Variants in KMT2A observed in about 807,000 individuals in gnomAD.
The protein encoded by KMT2A is lysine methyltransferase 2A, also known as histone-lysine N-methyltransferase 2A.
Under a neutral mutation model 345.3 loss-of-function variants are expected in KMT2A, and 16 were observed. The observed-to-expected ratio is 0.05, with a 90% confidence interval of 0.03 to 0.07. The LOEUF (loss-of-function observed/expected upper bound fraction) is 0.07. Among genes scored for constraint, KMT2A ranks in the 10% least tolerant of loss-of-function variants. The pLI, the probability that KMT2A is intolerant of heterozygous loss-of-function variation, is 1.00. For synonymous variants in KMT2A, 1,599 were observed against 1,778.6 expected (o/e 0.90, Z 2.54); for missense variants, 3,272 against 4,841.6 (o/e 0.68, Z 9.62).
intron 10 of KMT2A, among the ~76,000 whole-genome samples, chr11:118,487,525 T>A (rs191072295): frequency 7.9e-5 from 12 of 152,340 alleles, no homozygotes; most frequent in Admixed American, 7.2e-4. Flanking sequence ...TCCCTAAGTG[T>A]TAATATGTTT....
At position 118,521,442 on chromosome 11, in the gene KMT2A, C is replaced by G; in HGVS notation, c.11643+25C>G. On this transcript the variant is annotated intron_variant, in intron 35 of 35. Coordinates refer to ENST00000534358, the MANE Select transcript of KMT2A (RefSeq NM_001197104.2). The surrounding 1 kb of genome is among the most constrained non-coding windows in gnomAD (Gnocchi z 5.3). ...GGTAAGTCTCCCACTTGCACTCACA[C>G]AGTTCTTTTGTTTTGCTGTAGAAAG... The G allele has an allele frequency of 6.2e-7, 1 of 1,612,636 alleles. No homozygotes were observed. The highest frequency in any genetic ancestry group is 8.5e-7 in the Non-Finnish European group (1 of 1,178,824).
Position 118,501,832 on chromosome 11 carries a change from T to C in KMT2A, c.6480T>C (p.Pro2160=). The change falls in exon 26 of 36, where the codon CCT becomes CCC. Residue 2160 remains proline (P), a synonymous_variant. Transcript: ENST00000534358. ...TPSYSPTQRS[P]GCRPLPSAGS... is the part of the protein sequence containing the mutation. ...GTTATTCTCCAACACAGAGATCCCC[T>C]GGCTGTCGACCGTTGCCTTCTGCAG... The C allele has an allele frequency of 6.2e-7, 1 of 1,613,592 alleles. No homozygotes were observed. Among genetic ancestry groups the C allele is most frequent in the Non-Finnish European group, 8.5e-7 (1 of 1,179,802 alleles).
Position 118,437,459 on chromosome 11 carries a change from G to A in KMT2A, c.432+515G>A, listed in dbSNP as rs188131432. Among the ~76,000 whole-genome samples the A allele has an allele frequency of 2.2e-3, 327 of 151,666 alleles. 2 individuals are homozygous for A. The highest frequency in any genetic ancestry group is 7.3e-3 in the African/African-American group (301 of 41,250). The stretch of plus-strand genomic sequence containing the variant: ...GTGTCCCTTCCAGCACCTTGCTTTC[G>A]AAAACCCGATGAACCCTCGCGCCAT... On this transcript the variant is annotated intron_variant, in intron 1 of 35. Coordinates refer to ENST00000534358, the MANE Select transcript of KMT2A (RefSeq NM_001197104.2).
intron 1 of KMT2A, among the ~76,000 whole-genome samples, chr11:118,447,041 T>A (rs1949435715): frequency 1.3e-5 from 2 of 152,238 alleles, no homozygotes; most frequent in South Asian, 4.1e-4. Flanking sequence ...TGACCTGTCT[T>A]GGGCTTATTA....
At chr11:118,514,531 CCCAGGTTCAGGTGATTCT>C (rs1419204871) in intron 31 of KMT2A, among the ~76,000 whole-genome samples, 2 of 152,034 alleles carry the variant, frequency 1.3e-5, no homozygotes, top group Admixed American at 1.3e-4. Context: ...ACCTCCATCT[CCCAGGTTCAGGTGATTCT>C]CCTGCTTCAG....
chr11:118,502,919 T>C lies in KMT2A; in HGVS notation c.7027T>C (p.Ser2343Pro). 1 of 1,614,140 alleles carries C rather than the reference T, an allele frequency of 6.2e-7. No individual in the cohort carries two copies. The highest frequency in any genetic ancestry group is 8.5e-7 in the Non-Finnish European group (1 of 1,180,024). The change falls in exon 27 of 36, where the codon TCT (serine) becomes CCT (proline). Residue 2343 changes from serine to proline, a missense_variant. By Grantham distance (74) the Ser-to-Pro change is moderately conservative. Coordinates refer to ENST00000534358, the MANE Select transcript of KMT2A (RefSeq NM_001197104.2). This position sits in a 1 kb window ranked among gnomAD's most constrained non-coding sequence, Gnocchi z 4.9. ...GGCCCCACAGGTTCATAACACAACATCTAGAGAACTGAATGTTAGTAAAAT... is the reference window on the plus strand; with the variant it reads ...GGCCCCACAGGTTCATAACACAACACCTAGAGAACTGAATGTTAGTAAAAT... ...KLAPQVHNTT[S>P]RELNVSKIGS...
In KMT2A at chr11:118,472,795, T is replaced by G; in HGVS notation, c.1636T>G (p.Leu546Val). The change falls in exon 3 of 36, where the codon TTA becomes GTA. Residue 546 changes from leucine to valine, a missense_variant. Physicochemically the swap from Leu to Val is conservative, Grantham distance 32 (BLOSUM62 1). Transcript: ENST00000534358. ...TTTTGGATCTAGAACGACGAAAAAA[T>G]TATCAACTCTACAAAGTGCCCCCCA... Reference protein sequence around the residue: ...RSFGSRTTKKLSTLQSAPQQQ... With the variant: ...RSFGSRTTKKVSTLQSAPQQQ... 1 of 1,613,086 alleles carries G rather than the reference T, an allele frequency of 6.2e-7. No homozygotes were observed. Among genetic ancestry groups the G allele is most frequent in the Non-Finnish European group, 8.5e-7 (1 of 1,179,858 alleles).
chr11:118,437,078 C>G, intron 1 of KMT2A, 134 bp downstream of exon 1: 2 of 1,102,176 alleles, frequency 1.8e-6, no homozygotes, highest in Non-Finnish European at 2.4e-6. Context: ...GAATGGCTCT[C>G]CCATCTTGGG....
At chr11:118,508,599 G>A (rs569638812) in intron 28 of KMT2A, among the ~76,000 whole-genome samples, 2 of 152,014 alleles carry the variant, frequency 1.3e-5, no homozygotes, top group South Asian at 4.2e-4. Context: ...ACCAGGCATG[G>A]TGGTGCACAT....
Position 118,488,373 on chromosome 11 carries a change from T to A in KMT2A, c.4333-241T>A. On this transcript the variant is annotated intron_variant, in intron 10 of 35. Transcript: ENST00000534358. Reference sequence around the variant, plus strand: ...AGGTCACTTAGCATGTTCTGTTAAATCTTGTATTATATTTATTTTGTTACT... The same window carrying A: ...AGGTCACTTAGCATGTTCTGTTAAAACTTGTATTATATTTATTTTGTTACT... The A allele has an allele frequency of 7.7e-6, 4 of 516,238 alleles. No homozygotes were observed. In the South Asian group the frequency reaches 7.8e-5, roughly 10 times the overall value. 32.0% of individuals were successfully genotyped at this position (516,238 alleles called of 1,614,324 possible). A position where few individuals can be genotyped will look rare whatever the true frequency, so the allele number is the denominator to read the frequency against.
At position 118,522,753 on chromosome 11, in the gene KMT2A, A is replaced by C. The variant is rs1349618995; in HGVS notation, c.*581A>C. The C allele has an allele frequency of 1.4e-5, 3 of 212,934 alleles. No homozygotes were observed. The highest frequency in any genetic ancestry group is 1.8e-4 in the South Asian group (1 of 5,438). 13.2% of individuals were successfully genotyped at this position (212,934 alleles called of 1,614,324 possible). Reference sequence around the variant, plus strand: ...GCACCTCCGGTGTCAAAAGGCTGTCATGGGGTTGTGCCAATTAATTACCAA... The same window carrying C: ...GCACCTCCGGTGTCAAAAGGCTGTCCTGGGGTTGTGCCAATTAATTACCAA... On this transcript the variant is annotated 3_prime_UTR_variant, in exon 36 of 36. Transcript: ENST00000534358. The surrounding 1 kb of genome is among the most constrained non-coding windows in gnomAD (Gnocchi z 5.4).
chr11:118,515,932 C>T (rs990665711), intron 31 of KMT2A, among the ~76,000 whole-genome samples: 6 of 152,084 alleles, frequency 3.9e-5, no homozygotes, highest in Non-Finnish European at 7.4e-5. Context: ...AGGTAATCTA[C>T]CCACCTTGGC....
chr11:118,518,781 CAA>C (rs372770910), intron 31 of KMT2A, among the ~76,000 whole-genome samples: 5 of 112,134 alleles, frequency 4.5e-5, no homozygotes, highest in Non-Finnish European at 5.2e-5. Context: ...GAGTCTGTCT[CAA>C]AAAAAAAAAA....
In KMT2A at chr11:118,493,060, G is replaced by A. The variant is rs1950350381; in HGVS notation, c.5008G>A (p.Ala1670Thr). The change falls in exon 16 of 36, where the codon GCC becomes ACC. Residue 1670 changes from alanine to threonine, a missense_variant. By Grantham distance (58) the Ala-to-Thr change is moderately conservative (BLOSUM62 0). This residue lies in a region of KMT2A where 66 missense variants were observed against 80.1 expected (regional missense o/e 0.82). Transcript: ENST00000534358. The surrounding 1 kb of genome is among the most constrained non-coding windows in gnomAD (Gnocchi z 5.8). The part of the protein sequence containing the change: ...TSHLLRYRQA[A>T]KPPDLNPETE... ...AACATATCTTTCCTGGCAATAGGCTGCCAAGCCTCCAGACTTAAATCCCGA... is the reference window on the plus strand; with the variant it reads ...AACATATCTTTCCTGGCAATAGGCTACCAAGCCTCCAGACTTAAATCCCGA... The A allele has an allele frequency of 1.9e-6, 3 of 1,612,498 alleles. No individual in the cohort carries two copies.
At chr11:118,475,363 T>C (rs781838580) in intron 3 of KMT2A, among the ~76,000 whole-genome samples, 9 of 152,166 alleles carry the variant, frequency 5.9e-5, no homozygotes, top group Non-Finnish European at 1.2e-4. Flanking sequence ...AAAATCGTCA[T>C]GTAGTAGATG....
chr11:118,488,598 C>A lies in KMT2A; in HGVS notation c.4333-16C>A. 1 of 1,612,390 alleles carries A rather than the reference C, an allele frequency of 6.2e-7. No homozygotes were observed. Among genetic ancestry groups the A allele is most frequent in the South Asian group, 1.1e-5 (1 of 90,972 alleles). On this transcript the variant is annotated splice_polypyrimidine_tract_variant and intron_variant, in intron 10 of 35. Coordinates refer to ENST00000534358, the MANE Select transcript of KMT2A (RefSeq NM_001197104.2). The stretch of plus-strand genomic sequence containing the variant: ...ATTATTTGACATACTTCTATCTTCC[C>A]ATGTTCTTACTATAGTTTGTGTATT...
intron 1 of KMT2A, among the ~76,000 whole-genome samples, chr11:118,445,050 G>A (rs1405091135): frequency 4.6e-5 from 7 of 152,010 alleles, no homozygotes; most frequent in African/African-American, 1.5e-4. Flanking sequence ...AGGAGAGCAG[G>A]GTTATAATCT....
At chr11:118,478,838 C>A (rs1044833015) in intron 5 of KMT2A, among the ~76,000 whole-genome samples, 1 of 152,050 alleles carries the variant, frequency 6.6e-6, no homozygotes, top group Non-Finnish European at 1.5e-5. Flanking sequence ...TCACTGCCAA[C>A]ACTGAACTCC....
chr11:118,441,921 G>T (rs1420918524), intron 1 of KMT2A, among the ~76,000 whole-genome samples: 2 of 152,180 alleles, frequency 1.3e-5, no homozygotes, highest in Admixed American at 6.5e-5. Flanking sequence ...GTCCTTCCGT[G>T]GGGCAGCTGT....
Sources: allele counts gnomAD v4.1 joint callset (sites outside exome capture counted in the v4.1 genomes callset), GRCh38; gene constraint gnomAD v4.1.1; regional missense constraint gnomAD v4.1.1; non-coding constraint Gnocchi (gnomAD v3.1); transcripts MANE v1.5; gene names NCBI Gene and HGNC (gene_info 2026-07-23, HGNC 2026-07-21).